The following TBL1XR1 variants were observed in gnomAD, a reference collection of about 807,000 sequenced individuals.
The protein encoded by TBL1XR1 is F-box-like/WD repeat-containing protein TBL1XR1.
A neutral mutation model predicts 66.9 loss-of-function variants in TBL1XR1; 5 were observed. That is an observed-to-expected ratio of 0.07 (90% CI 0.04 to 0.16). The LOEUF is 0.16. TBL1XR1 is among the 10% of genes least tolerant of loss of function. The pLI is 1.00. For missense variants in TBL1XR1, 238 were observed against 623.2 expected (o/e 0.38, Z 6.58); for synonymous variants, 210 against 206.0 (o/e 1.02, Z -0.17).
chr3:177,060,477 G>A (rs776154969), intron 3 of TBL1XR1, among the ~76,000 whole-genome samples: 4 of 152,138 alleles, frequency 2.6e-5, no homozygotes, highest in African/African-American at 9.7e-5. Flanking sequence ...AATATAAATG[G>A]AGAAGTTACA....
At chr3:177,077,038 A>G (rs1336267403) in intron 2 of TBL1XR1, among the ~76,000 whole-genome samples, 1 of 152,212 alleles carries the variant, frequency 6.6e-6, no homozygotes, top group Non-Finnish European at 1.5e-5. Flanking sequence ...TGGCTATCCA[A>G]ATGAGCAGAC....
At chr3:177,201,476 G>C (rs188944436), upstream of TBL1XR1, among the ~76,000 whole-genome samples, 431 of 149,246 alleles carry the variant, frequency 2.9e-3, 4 homozygotes, top group African/African-American at 0.01. Flanking sequence ...ATTTTTCCGA[G>C]AGGAGTGTGG....
intron 1 of TBL1XR1, among the ~76,000 whole-genome samples, chr3:177,132,152 T>G (rs1241514188): frequency 1.3e-5 from 2 of 152,156 alleles, no homozygotes; most frequent in Non-Finnish European, 2.9e-5. Flanking sequence ...TGCACCTGGT[T>G]TTCGTGAGCC....
At chr3:177,163,651 CT>C (rs1445539788) in intron 1 of TBL1XR1, among the ~76,000 whole-genome samples, 3 of 151,984 alleles carry the variant, frequency 2.0e-5, no homozygotes, top group African/African-American at 7.3e-5. Flanking sequence ...AAAGTATACA[CT>C]TAATTACTTT....
At chr3:177,129,910 C>T (rs1281157580) in intron 1 of TBL1XR1, among the ~76,000 whole-genome samples, 4 of 151,934 alleles carry the variant, frequency 2.6e-5, no homozygotes, top group South Asian at 2.1e-4. Flanking sequence ...TTTGGGAGGC[C>T]GAGGCAGGCA....
intron 1 of TBL1XR1, among the ~76,000 whole-genome samples, chr3:177,186,173 T>C (rs1735381076): frequency 6.6e-6 from 1 of 152,074 alleles, no homozygotes; most frequent in Admixed American, 6.6e-5. Flanking sequence ...CACAATACAA[T>C]AACAGTCTGC....
intron 2 of TBL1XR1, among the ~76,000 whole-genome samples, chr3:177,093,628 T>G (rs950110232): frequency 6.6e-6 from 1 of 152,122 alleles, no homozygotes; most frequent in Non-Finnish European, 1.5e-5. Context: ...AATAGGCACA[T>G]AGGCCAATGG....
chr3:177,071,819 C>A (rs1383910042), intron 2 of TBL1XR1, among the ~76,000 whole-genome samples: 1 of 152,064 alleles, frequency 6.6e-6, no homozygotes, highest in Non-Finnish European at 1.5e-5. Context: ...AGAAGGCTTC[C>A]AACTTTTATT....
At chr3:177,064,183 C>CA (rs1245641961) in intron 3 of TBL1XR1, among the ~76,000 whole-genome samples, 16 of 152,176 alleles carry the variant, frequency 1.1e-4, no homozygotes, top group African/African-American at 3.6e-4. Flanking sequence ...TTCTAAAATT[C>CA]AATCTCTAGA....
At chr3:177,104,213 T>C (rs1724591214) in intron 1 of TBL1XR1, among the ~76,000 whole-genome samples, 1 of 151,476 alleles carries the variant, frequency 6.6e-6, no homozygotes, top group African/African-American at 2.4e-5. Flanking sequence ...CCAGGAAAAG[T>C]CACAGAAAAA....
intron 14 of TBL1XR1, 119 bp downstream of exon 14, chr3:177,032,852 A>G (rs1475700103): frequency 2.4e-6 from 2 of 822,106 alleles, no homozygotes; most frequent in Non-Finnish European, 1.7e-6. Flanking sequence ...TTATTTTAAA[A>G]CCAATAATTC....
At chr3:177,165,810 T>A (rs1388234673) in intron 1 of TBL1XR1, among the ~76,000 whole-genome samples, 1 of 152,066 alleles carries the variant, frequency 6.6e-6, no homozygotes, top group Non-Finnish European at 1.5e-5. Flanking sequence ...TCAAAATAGA[T>A]CACAGAGCCA....
chr3:177,102,565 A>G (rs982577935), intron 1 of TBL1XR1, among the ~76,000 whole-genome samples: 3 of 152,250 alleles, frequency 2.0e-5, no homozygotes, highest in Admixed American at 6.5e-5. Flanking sequence ...TAGTCTGACA[A>G]TGTATATTGA....
At chr3:177,035,030 G>C (rs1714570396) in intron 12 of TBL1XR1, among the ~76,000 whole-genome samples, 1 of 151,806 alleles carries the variant, frequency 6.6e-6, no homozygotes, top group African/African-American at 2.4e-5. Context: ...ACCCAAGGAG[G>C]GCCAACCAAG....
rs1324657437 is a variant in TBL1XR1 at position 177,043,981 on chromosome 3, CT to C, written c.925+2147del. On this transcript the variant is annotated intron_variant, in intron 10 of 15. Coordinates refer to ENST00000457928, the MANE Select transcript of TBL1XR1 (RefSeq NM_024665.7). ...CTCCCCTACCTTTTTACCTAAGATTCTAACTATGTAGGTATTAGTCTGCCCA... is the reference window on the plus strand; with the variant it reads ...CTCCCCTACCTTTTTACCTAAGATTCAACTATGTAGGTATTAGTCTGCCCA... 9.9e-5 allele frequency among the ~76,000 whole-genome samples: 15 copies of C among 152,194 alleles called. No homozygotes were observed. The East Asian group carries it at 2.9e-3, about 29-fold the overall frequency.
chr3:177,103,545 T>C (rs549794715), intron 1 of TBL1XR1, among the ~76,000 whole-genome samples: 276 of 152,292 alleles, frequency 1.8e-3, no homozygotes, highest in South Asian at 6.2e-3. Context: ...TTTTTTAACA[T>C]GGAAAAATTC....
chr3:177,157,871 G>A (rs545704317), intron 1 of TBL1XR1, among the ~76,000 whole-genome samples: 1 of 152,216 alleles, frequency 6.6e-6, no homozygotes, highest in East Asian at 1.9e-4. Context: ...AGTTGCACAG[G>A]TATATACATT....
At chr3:177,201,601 AATC>A (rs1737342318), upstream of TBL1XR1, 1 of 152,260 alleles carries the variant, frequency 6.6e-6, no homozygotes, top group East Asian at 1.9e-4. Flanking sequence ...TATATTTTTA[AATC>A]ATCATGATGT....
At chr3:177,178,454 A>AGT (rs1734416851) in intron 1 of TBL1XR1, among the ~76,000 whole-genome samples, 2 of 152,230 alleles carry the variant, frequency 1.3e-5, no homozygotes, top group African/African-American at 2.4e-5. Context: ...AGAAAAAAAA[A>AGT]GGAAGACCAT....
Sources: allele counts gnomAD v4.1 joint callset (sites outside exome capture counted in the v4.1 genomes callset), GRCh38; gene constraint gnomAD v4.1.1; transcripts MANE v1.5; gene names NCBI Gene and HGNC (gene_info 2026-07-23, HGNC 2026-07-21).